CFDP1: variants seen among roughly 807,000 people sequenced by gnomAD.
CFDP1 encodes the protein heterochromatin-stabilizing protein CFDP1.
CFDP1 carries 31 observed loss-of-function variants against 40.1 expected under a neutral mutation model. The ratio of observed to expected loss-of-function variants is 0.77; its 90% confidence interval spans 0.58 to 1.04. The LOEUF (loss-of-function observed/expected upper bound fraction) is 1.04. Ranked by LOEUF, CFDP1 falls within the 50% of genes least tolerant of loss-of-function variation. The pLI, the probability that CFDP1 is intolerant of heterozygous loss-of-function variation, is 0.00. For missense variants in CFDP1, 423 were observed against 343.4 expected, an observed-to-expected ratio of 1.23 and a Z score of -1.83; for synonymous variants, 167 against 120.0, an observed-to-expected ratio of 1.39 and a Z score of -2.56.
At chr16:75,342,031 C>T (rs1055034843) in intron 5 of CFDP1, among the ~76,000 whole-genome samples, 5 of 152,182 alleles carry the variant, frequency 3.3e-5, no homozygotes, top group African/African-American at 7.2e-5. Context: ...ATAGTTCACA[C>T]ATTCCAAGTT....
chr16:75,389,138 A>G (rs956319717), intron 5 of CFDP1, among the ~76,000 whole-genome samples: 1 of 152,198 alleles, frequency 6.6e-6, no homozygotes, highest in African/African-American at 2.4e-5. Flanking sequence ...TAAATAGTAA[A>G]TGTTGGCTTG....
chr16:75,422,892 C>A (rs1392233526), intron 1 of CFDP1, among the ~76,000 whole-genome samples: 1 of 151,494 alleles, frequency 6.6e-6, no homozygotes, highest in East Asian at 2.0e-4. Context: ...ACCTGTAATG[C>A]CAGCACTTTG....
At chr16:75,398,041 C>T (rs963222130) in intron 4 of CFDP1, among the ~76,000 whole-genome samples, 1 of 152,178 alleles carries the variant, frequency 6.6e-6, no homozygotes, top group East Asian at 1.9e-4. Flanking sequence ...CAGAAAGACA[C>T]ATGCTGTAGA....
At chr16:75,415,320 CCACA>C (rs964949703) in intron 1 of CFDP1, among the ~76,000 whole-genome samples, 2 of 152,128 alleles carry the variant, frequency 1.3e-5, no homozygotes, top group African/African-American at 4.8e-5. Context: ...CCAACCCTGC[CCACA>C]CAGAGATTCC....
At chr16:75,375,466 A>C (rs2078784859) in intron 5 of CFDP1, among the ~76,000 whole-genome samples, 1 of 152,198 alleles carries the variant, frequency 6.6e-6, no homozygotes, top group African/African-American at 2.4e-5. Context: ...CTAAAATCAG[A>C]GGAGATACCA....
chr16:75,324,033 C>T (rs2151511328), intron 5 of CFDP1, among the ~76,000 whole-genome samples: 1 of 152,334 alleles, frequency 6.6e-6, no homozygotes, highest in Admixed American at 6.5e-5. Flanking sequence ...TTCATCAACT[C>T]AGCCCTTATC....
chr16:75,400,929 T>C (rs1047070649), intron 4 of CFDP1, among the ~76,000 whole-genome samples: 1 of 152,116 alleles, frequency 6.6e-6, no homozygotes, highest in Non-Finnish European at 1.5e-5. Flanking sequence ...TTGTCAACAA[T>C]AACAGAAAAT....
intron 6 of CFDP1, among the ~76,000 whole-genome samples, chr16:75,301,046 A>AGC (rs1334280081): frequency 6.6e-6 from 1 of 152,156 alleles, no homozygotes; most frequent in African/African-American, 2.4e-5. Flanking sequence ...TAAAGCATCT[A>AGC]GCTTTCCAGT....
At chr16:75,411,324 G>C (rs1185945900) in intron 4 of CFDP1, among the ~76,000 whole-genome samples, 1 of 152,150 alleles carries the variant, frequency 6.6e-6, no homozygotes, top group Non-Finnish European at 1.5e-5. Context: ...AGAATTGCTT[G>C]AACTGGGACC....
intron 5 of CFDP1, among the ~76,000 whole-genome samples, chr16:75,322,470 T>C (rs2078371630): frequency 6.6e-6 from 1 of 152,200 alleles, no homozygotes; most frequent in South Asian, 2.1e-4. Context: ...CAGGCTTACA[T>C]TGTGTGGTAA....
chr16:75,427,995 A>G (rs148272738), intron 1 of CFDP1, among the ~76,000 whole-genome samples: 10 of 152,244 alleles, frequency 6.6e-5, no homozygotes, highest in African/African-American at 2.2e-4. Flanking sequence ...AAAGCTGCCT[A>G]CTGTTATGGT....
At chr16:75,333,764 G>A (rs1006092656) in intron 5 of CFDP1, among the ~76,000 whole-genome samples, 1 of 152,160 alleles carries the variant, frequency 6.6e-6, no homozygotes, top group Non-Finnish European at 1.5e-5. Flanking sequence ...CATCAAACCA[G>A]AAAGTTGTTA....
intron 5 of CFDP1, among the ~76,000 whole-genome samples, chr16:75,333,088 G>A (rs112328351): frequency 1.7e-4 from 25 of 143,104 alleles, no homozygotes; most frequent in Middle Eastern, 4.4e-3. Context: ...GATTACAGGC[G>A]TGAGCCACTG....
At chr16:75,329,620 C>T (rs954590368) in intron 5 of CFDP1, among the ~76,000 whole-genome samples, 1 of 152,150 alleles carries the variant, frequency 6.6e-6, no homozygotes, top group East Asian at 1.9e-4. Flanking sequence ...ATTGGCTTTC[C>T]TAATTTTGAA....
intron 5 of CFDP1, among the ~76,000 whole-genome samples, chr16:75,348,370 C>T (rs1235030710): frequency 2.6e-5 from 4 of 152,074 alleles, no homozygotes; most frequent in East Asian, 1.9e-4. Flanking sequence ...CTGGGTGAAG[C>T]GCTTATGGGA....
chr16:75,409,078 C>T (rs1233512105), intron 4 of CFDP1, among the ~76,000 whole-genome samples: 2 of 151,798 alleles, frequency 1.3e-5, no homozygotes, highest in African/African-American at 2.4e-5. Context: ...AGGCTGGTCT[C>T]GAACTCCTAA....
chr16:75,311,893 T>C (rs9319483), intron 5 of CFDP1, among the ~76,000 whole-genome samples: 48,946 of 151,266 alleles, frequency 0.32, 8,954 homozygotes, highest in African/African-American at 0.49. Context: ...GCTCATACAA[T>C]TGCATCCATC....
chr16:75,353,919 G>A (rs2078629611), intron 5 of CFDP1, among the ~76,000 whole-genome samples: 1 of 151,890 alleles, frequency 6.6e-6, no homozygotes, highest in Non-Finnish European at 1.5e-5. Flanking sequence ...CTGAATCTCT[G>A]TTCTAAGCCC....
At chr16:75,305,324 C>T in intron 5 of CFDP1, 142 bp from the exon 6 acceptor site, 1 of 788,706 alleles carries the variant, frequency 1.3e-6, no homozygotes, top group East Asian at 2.7e-5. Flanking sequence ...GCATTTCCTT[C>T]CTGGTGTGGA....
Sources: gnomAD v4.1 joint callset for allele counts (sites outside exome capture counted in the v4.1 genomes callset) on GRCh38, gnomAD v4.1.1 for gene constraint, MANE v1.5 for transcripts, NCBI Gene and HGNC (gene_info 2026-07-23, HGNC 2026-07-21) for gene names.